Variants in FXR1 observed in about 807,000 individuals in gnomAD.
FXR1 encodes RNA-binding protein FXR1.
A neutral mutation model predicts 84.0 loss-of-function variants in FXR1; 15 were observed. That is an observed-to-expected ratio of 0.18 (90% CI 0.12 to 0.27). The LOEUF (loss-of-function observed/expected upper bound fraction) is 0.27. FXR1 is among the 10% of genes least tolerant of loss of function. The pLI is 1.00. For synonymous variants in FXR1, 245 were observed against 250.7 expected (o/e 0.98, Z 0.21); for missense variants, 480 against 774.4 (o/e 0.62, Z 4.51).
intron 14 of FXR1, among the ~76,000 whole-genome samples, chr3:180,968,952 A>G (rs1713189373): frequency 6.6e-6 from 1 of 152,196 alleles, no homozygotes; most frequent in South Asian, 2.1e-4. Flanking sequence ...TAACTTTAAC[A>G]TATCATTATG....
intron 3 of FXR1, among the ~76,000 whole-genome samples, chr3:180,943,094 G>A (rs767853594): frequency 6.6e-6 from 1 of 151,826 alleles, no homozygotes; most frequent in East Asian, 1.9e-4. Flanking sequence ...AGCCTCCTGA[G>A]TAGCTGGGAT....
At chr3:180,946,003 C>G (rs1251733460) in intron 3 of FXR1, among the ~76,000 whole-genome samples, 1 of 152,208 alleles carries the variant, frequency 6.6e-6, no homozygotes, top group Non-Finnish European at 1.5e-5. Context: ...GATAATTTCA[C>G]ATTTATCAGT....
In FXR1 at chr3:180,968,164, A is replaced by G; in HGVS notation, c.1312A>G (p.Ser438Gly). 6.2e-7 allele frequency: 1 copy of G among 1,613,760 alleles called. No individual in the cohort carries two copies. The highest frequency in any genetic ancestry group is 1.1e-5 in the South Asian group (1 of 91,070). Residue 438 changes from serine to glycine, a missense_variant, in exon 14 of 17, where the codon AGC becomes GGC. Physicochemically the swap from Ser to Gly is moderately conservative, Grantham distance 56. Transcript: ENST00000357559. ...DDRDSRHQRD[S>G]RRRPGGRGRS... ...TCGAGACAGCCGACATCAGCGTGAC[A>G]GCAGGAGACGCCCAGGAGGAAGAGG...
chr3:180,932,980 A>G (rs1720108120), intron 1 of FXR1: 1 of 188,536 alleles, frequency 5.3e-6, no homozygotes, highest in Non-Finnish European at 1.1e-5. Context: ...GAATCCTGGC[A>G]GCCAGTACTC....
intron 3 of FXR1, among the ~76,000 whole-genome samples, chr3:180,946,811 A>G (rs575271567): frequency 3.9e-5 from 6 of 152,158 alleles, no homozygotes; most frequent in Non-Finnish European, 8.8e-5. Context: ...GTTAACAGCC[A>G]CTGATAGGTT....
Position 180,975,379 on chromosome 3 carries a change from C to A in FXR1, c.1670C>A (p.Thr557Asn). The change falls in exon 16 of 17, where the codon ACT (threonine) becomes AAT (asparagine). Residue 557 changes from threonine to asparagine, a missense_variant. By Grantham distance (65) the Thr-to-Asn change is moderately conservative (BLOSUM62 0). Transcript: ENST00000357559. ...QSRQRNLPRE[T>N]LAKNKKEMAK... ...AGACAAAGAAACCTCCCAAGGGAAA[C>A]TTTGGCTAAAAACAAGAAAGAAATG... 1 of 1,493,902 alleles carries A rather than the reference C, an allele frequency of 6.7e-7. No individual in the cohort carries two copies. Among genetic ancestry groups the A allele is most frequent in the Non-Finnish European group, 9.2e-7 (1 of 1,084,780 alleles). 92.5% of individuals were successfully genotyped at this position (1,493,902 alleles called of 1,614,324 possible).
intron 13 of FXR1, among the ~76,000 whole-genome samples, chr3:180,967,236 G>T (rs569688531): frequency 3.3e-5 from 5 of 152,072 alleles, no homozygotes; most frequent in African/African-American, 1.2e-4. Context: ...GGCAAAAACC[G>T]CAATTTAAGA....
intron 10 of FXR1, 142 bp from the exon 11 acceptor site, chr3:180,961,326 C>G (rs1712066633): frequency 2.0e-6 from 1 of 508,296 alleles, no homozygotes. Context: ...GGCAACAGAG[C>G]AAGACGTCAT....
chr3:180,941,568 C>G (rs1359205574), intron 3 of FXR1, among the ~76,000 whole-genome samples: 2 of 152,098 alleles, frequency 1.3e-5, no homozygotes, highest in Admixed American at 6.6e-5. Context: ...TTTGGCCAGT[C>G]TGAAGTTTTT....
intron 2 of FXR1, 30 bp downstream of exon 2, chr3:180,933,416 A>G (rs546284844): frequency 2.3e-5 from 30 of 1,280,868 alleles, no homozygotes; most frequent in Non-Finnish European, 3.4e-6. Context: ...AAAGGCCTTA[A>G]TTTTAGAGAT....
intron 14 of FXR1, among the ~76,000 whole-genome samples, chr3:180,969,163 G>C (rs1424252876): frequency 1.3e-5 from 2 of 152,150 alleles, no homozygotes; most frequent in Non-Finnish European, 2.9e-5. Context: ...CCTTTCCACA[G>C]TAATACTCTT....
intron 4 of FXR1, 104 bp downstream of exon 4, chr3:180,948,040 C>T (rs1243874815): frequency 1.4e-6 from 1 of 690,894 alleles, no homozygotes; most frequent in Admixed American, 2.5e-5. Flanking sequence ...TTCTAAAAGC[C>T]TACCTGAGAA....
chr3:180,930,467 T>TA (rs1397541369), intron 1 of FXR1, among the ~76,000 whole-genome samples: 1 of 152,162 alleles, frequency 6.6e-6, no homozygotes, highest in East Asian at 1.9e-4. Flanking sequence ...CCTAGTGATT[T>TA]AGAGTTCTGA....
At chr3:180,955,058 A>G (rs907801046) in intron 9 of FXR1, among the ~76,000 whole-genome samples, 2 of 149,346 alleles carry the variant, frequency 1.3e-5, no homozygotes, top group South Asian at 2.1e-4. Context: ...GCAGCGATGC[A>G]ATCTCGGCTC....
chr3:180,950,246 C>T (rs1010934539), intron 7 of FXR1, among the ~76,000 whole-genome samples: 4 of 152,134 alleles, frequency 2.6e-5, no homozygotes, highest in South Asian at 4.1e-4. Context: ...TGTTTATTAT[C>T]CTTAGGACAA....
intron 2 of FXR1, among the ~76,000 whole-genome samples, chr3:180,933,608 A>G (rs1249353418): frequency 1.3e-5 from 2 of 152,188 alleles, no homozygotes; most frequent in Admixed American, 6.5e-5. Context: ...ATGTATGGAT[A>G]TGAATCAGTT....
intron 1 of FXR1, 168 bp from the exon 2 acceptor site, chr3:180,933,166 A>G: frequency 1.8e-6 from 1 of 565,674 alleles, no homozygotes. Context: ...AGTAACTTAA[A>G]AGATCATGTG....
At chr3:180,941,984 A>C (rs1241685612) in intron 3 of FXR1, among the ~76,000 whole-genome samples, 1 of 152,180 alleles carries the variant, frequency 6.6e-6, no homozygotes, top group Admixed American at 6.5e-5. Context: ...AATAGTAAAT[A>C]ATAGGAAAAT....
intron 1 of FXR1, among the ~76,000 whole-genome samples, chr3:180,916,705 C>A (rs1308193950): frequency 6.6e-6 from 1 of 152,114 alleles, no homozygotes; most frequent in Non-Finnish European, 1.5e-5. Context: ...CCACGCCCGA[C>A]CATGAGTATA....
Sources: allele counts gnomAD v4.1 joint callset (sites outside exome capture counted in the v4.1 genomes callset), GRCh38; gene constraint gnomAD v4.1.1; transcripts MANE v1.5; gene names NCBI Gene and HGNC (gene_info 2026-07-23, HGNC 2026-07-21).